The following PKD2L1 variants were observed in gnomAD, a reference collection of about 807,000 sequenced individuals.
PKD2L1 encodes the protein polycystin 2 like 1, transient receptor potential cation channel.
PKD2L1 carries 77 observed loss-of-function variants against 93.0 expected under a neutral mutation model. The ratio of observed to expected loss-of-function variants is 0.83; its 90% CI spans 0.69 to 1.00. PKD2L1 has a LOEUF of 1.00. Ranked by LOEUF, PKD2L1 falls within the 50% of genes least tolerant of loss-of-function variation. The pLI, the probability that PKD2L1 is intolerant of heterozygous loss-of-function variation, is 0.00. For synonymous variants in PKD2L1, 390 were observed against 388.0 expected (o/e 1.01, Z -0.06); for missense variants, 977 against 990.9 (o/e 0.99, Z 0.19).
rs1848571543 is a variant in PKD2L1 at position 100,297,468 on chromosome 10, C to T, written c.870G>A (p.Glu290=). The change falls in exon 5 of 16, where the codon GAG becomes GAA. Residue 290 remains glutamate (E), a synonymous_variant. Transcript: ENST00000318222. The part of the protein sequence containing the change: ...GSAEALRALQ[E]GLWLDRGTRV... ...GAGTGCCCCTGTCCAGCCACAGCCC[C>T]TCCTGAAGGGCCCGGAGAGCCTCTG... The T allele has an allele frequency of 6.2e-7, 1 of 1,614,140 alleles. No homozygotes were observed. The highest frequency in any genetic ancestry group is 8.5e-7 in the Non-Finnish European group (1 of 1,180,012).
chr10:100,311,221 G>A (rs1848925615), intron 2 of PKD2L1, among the ~76,000 whole-genome samples: 1 of 152,088 alleles, frequency 6.6e-6, no homozygotes, highest in Non-Finnish European at 1.5e-5. Context: ...AGGAACCTCA[G>A]GCTTTGTTAT....
In PKD2L1 at chr10:100,291,337, T is replaced by C; in HGVS notation, c.1971A>G (p.Glu657=). The C allele has an allele frequency of 6.2e-7, 1 of 1,614,028 alleles. No homozygotes were observed. Among genetic ancestry groups the C allele is most frequent in the Non-Finnish European group, 8.5e-7 (1 of 1,179,938 alleles). ...CCAGGTCCTGTCGCATTTTTTCCTG[T>C]TCCTTCTCATCCAGAATACGATTCC... is the stretch of plus-strand genomic sequence containing the variant. ...RDGNRILDEK[E]QEKMRQDLEE... is the part of the protein sequence containing the mutation. Residue 657 remains glutamate, a synonymous_variant, in exon 12 of 16, where the codon GAA becomes GAG. Transcript: ENST00000318222.
chr10:100,329,309 G>T lies in PKD2L1; in HGVS notation c.251C>A (p.Thr84Asn), dbSNP rs780842636. Residue 84 changes from threonine to asparagine, a missense_variant, in exon 2 of 16, where the codon ACC becomes AAC. Transcript: ENST00000318222. ...CQGIRGLWGT[T>N]LTENTAENRE... ...GTTCTCAGCTGTGTTCTCAGTCAGG[G>T]TTGTTCCCCAAAGTCCTAAGGGGCA... is the stretch of plus-strand genomic sequence containing the variant. 1 of 1,614,172 alleles carries T rather than the reference G, an allele frequency of 6.2e-7. No individual in the cohort carries two copies. Among genetic ancestry groups the T allele is most frequent in the Non-Finnish European group, 8.5e-7 (1 of 1,180,016 alleles).
chr10:100,290,131 T>C lies in PKD2L1; in HGVS notation c.2134A>G (p.Arg712Gly). ...VSGEEFYMLTRRVLQLETVLE... is the reference protein window; with the variant it reads ...VSGEEFYMLTGRVLQLETVLE... ...ACAGTCTCCAGCTGCAGAACTCTCC[T>C]TGTGAGCCTGTGTGGGATTTGAGAG... The change falls in exon 14 of 16, where the codon AGG (arginine) becomes GGG (glycine). Residue 712 changes from arginine to glycine, a missense_variant. Coordinates refer to ENST00000318222, the MANE Select transcript of PKD2L1 (RefSeq NM_016112.3). 1 of 1,614,104 alleles carries C rather than the reference T, an allele frequency of 6.2e-7. No homozygotes were observed. The highest frequency in any genetic ancestry group is 8.5e-7 in the Non-Finnish European group (1 of 1,180,012).
intron 2 of PKD2L1, among the ~76,000 whole-genome samples, chr10:100,301,536 A>T (rs1433479535): frequency 1.3e-5 from 2 of 150,144 alleles, no homozygotes; most frequent in Non-Finnish European, 3.0e-5. Context: ...AGTGATATTT[A>T]TCTTACCCGT....
chr10:100,299,615 G>C lies in PKD2L1; in HGVS notation c.453C>G (p.Ile151Met). The change falls in exon 3 of 16, where the codon ATC becomes ATG. Residue 151 changes from isoleucine (I) to methionine (M), a missense_variant. Transcript: ENST00000318222. Reference protein sequence around the residue: ...PSDTGVSFQAISSMADFWDFA... With the variant: ...PSDTGVSFQAMSSMADFWDFA... ...CATCCCAGAAGTCCGCCATGCTGCT[G>C]ATGGCCTGAAAGGAGACTCCAGTGT... 6.2e-7 allele frequency: 1 copy of C among 1,613,762 alleles called. No individual in the cohort carries two copies.
chr10:100,299,777 A>T, intron 2 of PKD2L1, 59 bp from the exon 3 acceptor site: 1 of 1,523,740 alleles, frequency 6.6e-7, no homozygotes, highest in Non-Finnish European at 9.1e-7. Context: ...GAGACAGGAA[A>T]GCCTATTGCC....
chr10:100,291,816 T>A (rs1394840611), intron 11 of PKD2L1, among the ~76,000 whole-genome samples: 1 of 152,196 alleles, frequency 6.6e-6, no homozygotes, highest in Non-Finnish European at 1.5e-5. Context: ...TCTGGCACCC[T>A]ATTCTTTTGG....
chr10:100,291,444 G>GA lies in PKD2L1; in HGVS notation c.1881-18dup, dbSNP rs1848406092. On this transcript the variant is annotated splice_polypyrimidine_tract_variant and intron_variant, in intron 11 of 15. Coordinates refer to ENST00000318222, the MANE Select transcript of PKD2L1 (RefSeq NM_016112.3). Reference sequence around the variant, plus strand: ...TGTCCCAGTCTGAGAAGAGGATGATGAAATGATTTCTGCCCAGCTGTGGCT... The same window carrying GA: ...TGTCCCAGTCTGAGAAGAGGATGATGAAAATGATTTCTGCCCAGCTGTGGCT... 1 of 1,613,314 alleles carries GA rather than the reference G, an allele frequency of 6.2e-7. No individual in the cohort carries two copies. Among genetic ancestry groups the GA allele is most frequent in the African/African-American group, 1.3e-5 (1 of 74,888 alleles).
chr10:100,325,386 C>T (rs539553988), intron 2 of PKD2L1, among the ~76,000 whole-genome samples: 12 of 152,140 alleles, frequency 7.9e-5, no homozygotes, highest in Non-Finnish European at 1.8e-4. Flanking sequence ...AGTGGCCCTC[C>T]TGAGGCCATT....
At chr10:100,300,099 C>T (rs1242226587) in intron 2 of PKD2L1, among the ~76,000 whole-genome samples, 2 of 152,186 alleles carry the variant, frequency 1.3e-5, no homozygotes, top group Non-Finnish European at 2.9e-5. Flanking sequence ...TGTCTGCTTC[C>T]AAAAGGTAGT....
intron 7 of PKD2L1, 81 bp from the exon 8 acceptor site, chr10:100,295,204 G>A: frequency 8.8e-7 from 1 of 1,134,500 alleles, no homozygotes; most frequent in Non-Finnish European, 1.3e-6. Flanking sequence ...GCCTATGGAG[G>A]CCACAGGAGT....
chr10:100,318,853 T>G (rs575435484), intron 2 of PKD2L1, among the ~76,000 whole-genome samples: 1 of 143,238 alleles, frequency 7.0e-6, no homozygotes, highest in South Asian at 2.2e-4. Context: ...CTCTCTATCT[T>G]TTTTTTTTTT....
chr10:100,329,284 G>A lies in PKD2L1; in HGVS notation c.276C>T (p.Asn92=), dbSNP rs367831979. The A allele has an allele frequency of 5.6e-6, 9 of 1,613,998 alleles. No homozygotes were observed. Among genetic ancestry groups the A allele is most frequent in the Non-Finnish European group, 6.8e-6 (8 of 1,179,964 alleles). The change falls in exon 2 of 16, where the codon AAC becomes AAT. Residue 92 remains asparagine, a synonymous_variant. Transcript: ENST00000318222. ...GGGTGGTCTTGATATAAAGTTCCCGGTTCTCAGCTGTGTTCTCAGTCAGGG... is the reference window on the plus strand; with the variant it reads ...GGGTGGTCTTGATATAAAGTTCCCGATTCTCAGCTGTGTTCTCAGTCAGGG... ...GTTLTENTAE[N]RELYIKTTLR...
intron 2 of PKD2L1, among the ~76,000 whole-genome samples, chr10:100,313,944 T>A (rs1848993853): frequency 6.6e-6 from 1 of 152,168 alleles, no homozygotes; most frequent in Admixed American, 6.5e-5. Context: ...TAAAGGGAAA[T>A]CATATTTAAG....
chr10:100,297,337 C>A, intron 5 of PKD2L1, 45 bp downstream of exon 5: 3 of 1,565,332 alleles, frequency 1.9e-6, no homozygotes, highest in African/African-American at 1.4e-5. Flanking sequence ...GAGACGGGAA[C>A]CAGGAGCCAT....
At position 100,296,274 on chromosome 10, in the gene PKD2L1, C is replaced by T; in HGVS notation, c.1204G>A (p.Gly402Ser). Residue 402 changes from glycine to serine, a missense_variant, in exon 7 of 16, where the codon GGC becomes AGC. Gly to Ser is a moderately conservative substitution (Grantham distance 56). Coordinates refer to ENST00000318222, the MANE Select transcript of PKD2L1 (RefSeq NM_016112.3). ...VVILLSIVAV[G>S]FHIFRTLEVN... The stretch of plus-strand genomic sequence containing the variant: ...TCGAGGGTTCGGAATATGTGGAAGC[C>T]CACAGCCACAATGGAGAGCTGTCAC... The T allele has an allele frequency of 6.3e-7, 1 of 1,597,322 alleles. No homozygotes were observed. Among genetic ancestry groups the T allele is most frequent in the Non-Finnish European group, 8.5e-7 (1 of 1,174,218 alleles).
chr10:100,306,548 T>C (rs1049581355), intron 2 of PKD2L1, among the ~76,000 whole-genome samples: 2 of 151,956 alleles, frequency 1.3e-5, no homozygotes, highest in African/African-American at 4.8e-5. Context: ...TCGGGTGCAT[T>C]ATTGCAGAAG....
In PKD2L1 at chr10:100,294,962, A is replaced by C. The variant is rs749798302; in HGVS notation, c.1518T>G (p.Phe506Leu). 8 of 1,613,950 alleles carry C rather than the reference A, an allele frequency of 5.0e-6. No homozygotes were observed. Among genetic ancestry groups the C allele is most frequent in the Non-Finnish European group, 6.8e-6 (8 of 1,179,900 alleles). ...CACACATGCACTTGATGAAAGTGCT[A>C]AAGTTTTCCACTTGGGTCCCGAAAA... ...YLLFGTQVENFSTFIKCIFTQ... is the reference protein window; with the variant it reads ...YLLFGTQVENLSTFIKCIFTQ... The change falls in exon 8 of 16, where the codon TTT becomes TTG. Residue 506 changes from phenylalanine to leucine, a missense_variant. Transcript: ENST00000318222.
Sources: allele counts gnomAD v4.1 joint callset (sites outside exome capture counted in the v4.1 genomes callset), GRCh38; gene constraint gnomAD v4.1.1; transcripts MANE v1.5; gene names NCBI Gene and HGNC (gene_info 2026-07-23, HGNC 2026-07-21).